The following PHF21B variants were observed in gnomAD, a reference collection of about 807,000 sequenced individuals.
PHF21B encodes PHD finger protein 21B.
PHF21B carries 22 observed loss-of-function variants against 62.2 expected under a neutral mutation model. That is an observed-to-expected ratio of 0.35 (90% CI 0.25 to 0.51). The LOEUF (loss-of-function observed/expected upper bound fraction) is 0.51, where lower values mean the gene tolerates loss of function less well. Ranked by LOEUF, PHF21B falls within the 20% of genes least tolerant of loss-of-function variation. PHF21B has a pLI of 0.97. For missense variants in PHF21B, 701 were observed against 707.9 expected, an observed-to-expected ratio of 0.99 and a Z score of 0.11; for synonymous variants, 341 against 314.7, an observed-to-expected ratio of 1.08 and a Z score of -0.88.
chr22:44,905,820 G>T (rs1487848349), intron 5 of PHF21B, among the ~76,000 whole-genome samples: 3 of 152,106 alleles, frequency 2.0e-5, no homozygotes, highest in African/African-American at 7.2e-5. Flanking sequence ...AGTAGAGACA[G>T]GGTTTCACCG....
rs917534537 is a variant in PHF21B at position 44,991,809 on chromosome 22, G to A, written c.120+16736C>T. On this transcript the variant is annotated intron_variant, in intron 2 of 12. Transcript: ENST00000313237. ...ATAAGCAGGACTCACCTGGGGACAC[G>A]GGACAATGGCTGCCCTCGCTGGCCT... 1.2e-4 allele frequency among the ~76,000 whole-genome samples: 18 copies of A among 152,234 alleles called. 1 individual carries two copies. Among genetic ancestry groups the A allele is most frequent in the South Asian group, 4.1e-4 (2 of 4,834 alleles).
chr22:44,953,922 C>T (rs1780757944), intron 2 of PHF21B, among the ~76,000 whole-genome samples: 1 of 152,206 alleles, frequency 6.6e-6, no homozygotes, highest in South Asian at 2.1e-4. Flanking sequence ...CCAAGCCCAC[C>T]CCGCCAGGAG....
chr22:44,920,849 T>A (rs1178864737), intron 2 of PHF21B, among the ~76,000 whole-genome samples: 1 of 152,246 alleles, frequency 6.6e-6, no homozygotes, highest in Non-Finnish European at 1.5e-5. Flanking sequence ...ATCACTCCTT[T>A]AATGGCTATG....
chr22:44,972,478 A>G (rs1008557721), intron 2 of PHF21B, among the ~76,000 whole-genome samples: 1 of 152,102 alleles, frequency 6.6e-6, no homozygotes, highest in Non-Finnish European at 1.5e-5. Context: ...GAGTGTTGGC[A>G]GACGCGGCTG....
intron 8 of PHF21B, among the ~76,000 whole-genome samples, chr22:44,890,441 C>G (rs1377343489): frequency 6.6e-6 from 1 of 152,222 alleles, no homozygotes; most frequent in Non-Finnish European, 1.5e-5. Flanking sequence ...GTTCCGGAGT[C>G]TGCACAGCAC....
intron 2 of PHF21B, among the ~76,000 whole-genome samples, chr22:45,001,536 C>T (rs1177555403): frequency 6.6e-6 from 1 of 152,202 alleles, no homozygotes; most frequent in Non-Finnish European, 1.5e-5. Context: ...ACTGTGGACA[C>T]ACCTGCCTCC....
At chr22:44,998,528 C>T (rs1219979050) in intron 2 of PHF21B, among the ~76,000 whole-genome samples, 3 of 152,102 alleles carry the variant, frequency 2.0e-5, no homozygotes, top group Non-Finnish European at 4.4e-5. Flanking sequence ...CGAGGTGCTC[C>T]CCTTGGTTCT....
At chr22:44,963,275 C>A (rs1001226687) in intron 2 of PHF21B, among the ~76,000 whole-genome samples, 1 of 152,250 alleles carries the variant, frequency 6.6e-6, no homozygotes, top group African/African-American at 2.4e-5. Flanking sequence ...GGAGGGCGAC[C>A]CGCCACGCTC....
At chr22:44,943,495 C>A (rs897421349) in intron 2 of PHF21B, among the ~76,000 whole-genome samples, 2 of 152,158 alleles carry the variant, frequency 1.3e-5, no homozygotes, top group South Asian at 2.1e-4. Flanking sequence ...CTGGGGGCGG[C>A]CCGATCTCCA....
At chr22:44,908,003 ACG>A (rs921535439) in intron 5 of PHF21B, among the ~76,000 whole-genome samples, 4 of 152,164 alleles carry the variant, frequency 2.6e-5, no homozygotes, top group Non-Finnish European at 4.4e-5. Context: ...GGCCCCTTTC[ACG>A]CCCATAATGT....
At chr22:44,993,188 G>A (rs898461292) in intron 2 of PHF21B, among the ~76,000 whole-genome samples, 6 of 152,140 alleles carry the variant, frequency 3.9e-5, no homozygotes, top group Admixed American at 1.3e-4. Flanking sequence ...CTGGCTGGGC[G>A]GTCTGGGCTC....
At chr22:44,905,423 C>A (rs2071230881) in intron 5 of PHF21B, among the ~76,000 whole-genome samples, 1 of 152,118 alleles carries the variant, frequency 6.6e-6, no homozygotes, top group South Asian at 2.1e-4. Context: ...CTTCGTTATT[C>A]CTTATTTCTA....
intron 2 of PHF21B, among the ~76,000 whole-genome samples, chr22:44,967,975 G>A (rs79116835): frequency 0.13 from 19,153 of 152,176 alleles, 1,364 homozygotes; most frequent in South Asian, 0.28. Context: ...CTGTAAAGGT[G>A]TCTGGTACCA....
At position 44,887,752 on chromosome 22, in the gene PHF21B, C is replaced by CT. The variant is rs1311812643; in HGVS notation, c.1197+210dup. Among the ~76,000 whole-genome samples, 22 of 113,148 alleles carry CT rather than the reference C, an allele frequency of 1.9e-4. 1 individual carries two copies. The highest frequency in any genetic ancestry group is 2.9e-4 in the South Asian group (1 of 3,460). 74.2% of individuals were successfully genotyped at this position (113,148 alleles called of 152,430 possible). ...CCTGGGCAACAGAACGAGACTCTGT[C>CT]TCAAAAAAAAAAAAAAAAAAAAAAT... On this transcript the variant is annotated intron_variant, in intron 10 of 12. Coordinates refer to ENST00000313237, the MANE Select transcript of PHF21B (RefSeq NM_138415.5).
intron 2 of PHF21B, among the ~76,000 whole-genome samples, chr22:44,979,422 G>A (rs1045639881): frequency 2.6e-5 from 4 of 152,210 alleles, no homozygotes; most frequent in Non-Finnish European, 2.9e-5. Flanking sequence ...AAGGACAGGC[G>A]GGGCTGCAGG....
intron 6 of PHF21B, 114 bp from the exon 7 acceptor site, chr22:44,893,647 G>T: frequency 2.9e-6 from 3 of 1,028,856 alleles, no homozygotes; most frequent in Non-Finnish European, 2.9e-6. Context: ...GCCTCTCTGT[G>T]TGCTCAGCAT....
Position 44,940,389 on chromosome 22 carries a change from T to C in PHF21B, c.121-19899A>G, listed in dbSNP as rs1470488569. 2.0e-5 allele frequency among the ~76,000 whole-genome samples: 3 copies of C among 152,366 alleles called. No individual in the cohort carries two copies. The East Asian group carries it at 5.8e-4, about 29-fold the overall frequency. Reference sequence around the variant, plus strand: ...CCGCCAGCCCCATCACAGGCACCCCTTGTCCATGCAGTCCTCCTGTTAATA... The same window carrying C: ...CCGCCAGCCCCATCACAGGCACCCCCTGTCCATGCAGTCCTCCTGTTAATA... On this transcript the variant is annotated intron_variant, in intron 2 of 12. Coordinates refer to ENST00000313237, the MANE Select transcript of PHF21B (RefSeq NM_138415.5).
In PHF21B at chr22:44,939,840, A is replaced by C. The variant is rs374559560; in HGVS notation, c.121-19350T>G. Among the ~76,000 whole-genome samples the C allele has an allele frequency of 9.9e-5, 15 of 152,252 alleles. No individual in the cohort carries two copies. In the East Asian group the frequency reaches 1.7e-3, roughly 18 times the overall value. The stretch of plus-strand genomic sequence containing the variant: ...TGCCCAGTAATCCAAGATGAATAAG[A>C]GGCTGCCCACGGAGGCAGGGAGACC... On this transcript the variant is annotated intron_variant, in intron 2 of 12. Transcript: ENST00000313237.
intron 2 of PHF21B, among the ~76,000 whole-genome samples, chr22:44,981,939 A>C (rs756974260): frequency 2.2e-4 from 34 of 152,346 alleles, no homozygotes; most frequent in Middle Eastern, 3.4e-3. Context: ...ACTGCTGAGA[A>C]AGGGGCTCGT....
Sources: gnomAD v4.1 joint callset for allele counts (sites outside exome capture counted in the v4.1 genomes callset) on GRCh38, gnomAD v4.1.1 for gene constraint, MANE v1.5 for transcripts, NCBI Gene and HGNC (gene_info 2026-07-23, HGNC 2026-07-21) for gene names.